Variants in NRXN1 observed in about 807,000 individuals in gnomAD.
NRXN1 encodes the protein neurexin 1.
NRXN1 carries 39 observed loss-of-function variants against 150.9 expected under a neutral mutation model. That is an observed-to-expected ratio of 0.26 (90% CI 0.20 to 0.34). The LOEUF is 0.34. NRXN1 is among the 10% of genes least tolerant of loss of function. The probability of loss-of-function intolerance (pLI) is 1.00; values close to 1 mark genes in which losing one functional copy is unlikely to be tolerated. For synonymous variants in NRXN1, 924 were observed against 757.0 expected (o/e 1.22, Z -3.62); for missense variants, 1,815 against 1,949.9 (o/e 0.93, Z 1.30).
At chr2:50,341,188 T>G (rs1202461266) in intron 17 of NRXN1, among the ~76,000 whole-genome samples, 2 of 152,158 alleles carry the variant, frequency 1.3e-5, no homozygotes, top group African/African-American at 4.8e-5. Flanking sequence ...TTCACTTAAA[T>G]TATTTAGATC....
At chr2:50,599,015 A>T (rs1461101327) in intron 8 of NRXN1, among the ~76,000 whole-genome samples, 1 of 151,506 alleles carries the variant, frequency 6.6e-6, no homozygotes, top group African/African-American at 2.4e-5. Context: ...AAAGTGATCC[A>T]CTCGCCTCAG....
intron 5 of NRXN1, among the ~76,000 whole-genome samples, chr2:50,791,314 C>CAAAAAAAA (rs60728323): frequency 3.6e-5 from 4 of 111,630 alleles, no homozygotes; most frequent in African/African-American, 1.4e-4. Flanking sequence ...CTGCTTGCTA[C>CAAAAAAAA]AAAAAAAAAA....
At chr2:50,228,731 C>T (rs7584237) in intron 18 of NRXN1, among the ~76,000 whole-genome samples, 2,769 of 152,028 alleles carry the variant, frequency 0.018, 88 homozygotes, top group African/African-American at 0.063. Context: ...CTGTCAATCA[C>T]GAATTTCCAT....
intron 8 of NRXN1, among the ~76,000 whole-genome samples, chr2:50,610,411 T>A (rs1469158): frequency 6.6e-6 from 1 of 151,258 alleles, no homozygotes; most frequent in Non-Finnish European, 1.5e-5. Context: ...AGAGACAAAC[T>A]CAGATTACTT....
At chr2:50,269,992 A>C (rs1386015842) in intron 17 of NRXN1, among the ~76,000 whole-genome samples, 3 of 152,160 alleles carry the variant, frequency 2.0e-5, no homozygotes, top group Non-Finnish European at 4.4e-5. Context: ...AAATTAAATT[A>C]AATTATTAGA....
intron 17 of NRXN1, among the ~76,000 whole-genome samples, chr2:50,376,139 A>G (rs1455773197): frequency 1.3e-5 from 2 of 151,964 alleles, no homozygotes; most frequent in East Asian, 3.9e-4. Context: ...TTATTTCATT[A>G]ATTCCTGAAG....
intron 2 of NRXN1, among the ~76,000 whole-genome samples, chr2:51,006,985 A>G (rs897258087): frequency 6.7e-6 from 1 of 149,334 alleles, no homozygotes; most frequent in Admixed American, 6.6e-5. Context: ...ATCTATGAAC[A>G]CCAATAGAGC....
At chr2:50,172,828 G>A (rs1156826740) in intron 18 of NRXN1, among the ~76,000 whole-genome samples, 4 of 152,072 alleles carry the variant, frequency 2.6e-5, no homozygotes, top group South Asian at 2.1e-4. Flanking sequence ...TTAGCCAGGC[G>A]TGGTAGTGGG....
At chr2:50,959,710 G>C (rs1165026921) in intron 2 of NRXN1, among the ~76,000 whole-genome samples, 1 of 151,966 alleles carries the variant, frequency 6.6e-6, no homozygotes, top group Non-Finnish European at 1.5e-5. Flanking sequence ...CCACTGAATT[G>C]TACACTTTAA....
At chr2:50,779,798 C>CAAAATAAAAT (rs528404794) in intron 5 of NRXN1, among the ~76,000 whole-genome samples, 2 of 150,198 alleles carry the variant, frequency 1.3e-5, no homozygotes, top group Admixed American at 1.3e-4. Context: ...TAAAACAAAA[C>CAAAATAAAAT]AAAATAAAAT....
intron 5 of NRXN1, among the ~76,000 whole-genome samples, chr2:50,784,281 G>C (rs1704781431): frequency 2.0e-5 from 3 of 151,934 alleles, no homozygotes; most frequent in African/African-American, 4.8e-5. Flanking sequence ...GTCAGATGGA[G>C]AAAAAATGCT....
intron 2 of NRXN1, among the ~76,000 whole-genome samples, chr2:51,025,212 T>C (rs1383122562): frequency 6.6e-6 from 1 of 152,170 alleles, no homozygotes; most frequent in East Asian, 1.9e-4. Context: ...ATTTTCAAAG[T>C]GACTCAATGC....
intron 5 of NRXN1, among the ~76,000 whole-genome samples, chr2:50,673,194 T>G (rs1297531052): frequency 6.6e-6 from 1 of 152,098 alleles, no homozygotes; most frequent in Non-Finnish European, 1.5e-5. Context: ...TGTAAAAATG[T>G]ATTTCTATTT....
At chr2:50,492,691 A>T (rs1463541889) in intron 15 of NRXN1, among the ~76,000 whole-genome samples, 2 of 152,166 alleles carry the variant, frequency 1.3e-5, no homozygotes, top group South Asian at 2.1e-4. Context: ...GGTATGGTAA[A>T]ACATAAGGAG....
intron 1 of NRXN1, among the ~76,000 whole-genome samples, chr2:51,030,100 A>G (rs1001370065): frequency 8.1e-6 from 1 of 122,904 alleles, no homozygotes; most frequent in African/African-American, 3.6e-5. Context: ...TACAGAAATC[A>G]TAATCACTGA....
At chr2:50,470,083 A>C (rs936621216) in intron 16 of NRXN1, among the ~76,000 whole-genome samples, 3 of 151,634 alleles carry the variant, frequency 2.0e-5, no homozygotes, top group Non-Finnish European at 4.4e-5. Context: ...GCCTGCTCTC[A>C]CCATTTCTTG....
At chr2:50,757,289 G>C (rs1199990044) in intron 5 of NRXN1, among the ~76,000 whole-genome samples, 1 of 151,782 alleles carries the variant, frequency 6.6e-6, no homozygotes, top group Non-Finnish European at 1.5e-5. Flanking sequence ...GCCACACAGA[G>C]AGTGAGGCAT....
At chr2:50,649,424 A>C (rs1047311430) in intron 5 of NRXN1, among the ~76,000 whole-genome samples, 1 of 152,156 alleles carries the variant, frequency 6.6e-6, no homozygotes, top group Non-Finnish European at 1.5e-5. Context: ...CTTGTGGAGA[A>C]AACTCTGTAG....
chr2:50,300,266 C>T (rs1321342994), intron 17 of NRXN1, among the ~76,000 whole-genome samples: 4 of 152,166 alleles, frequency 2.6e-5, no homozygotes, highest in African/African-American at 9.7e-5. Flanking sequence ...CCACCCTGAT[C>T]CTAGTGATGC....
Sources: allele counts gnomAD v4.1 joint callset (sites outside exome capture counted in the v4.1 genomes callset), GRCh38; gene constraint gnomAD v4.1.1; transcripts MANE v1.5; gene names NCBI Gene and HGNC (gene_info 2026-07-23, HGNC 2026-07-21).